The following CTNND2 variants were observed in gnomAD, a reference collection of about 807,000 sequenced individuals.
CTNND2 encodes catenin delta-2.
In CTNND2, 22 loss-of-function variants were observed where a neutral mutation model predicts 144.4. That is an observed-to-expected ratio of 0.15 (90% confidence interval 0.11 to 0.22). The LOEUF is 0.22. Ranked by LOEUF, CTNND2 falls within the 10% of genes least tolerant of loss-of-function variation. The pLI is 1.00. For synonymous variants in CTNND2, 751 were observed against 695.6 expected (o/e 1.08, Z -1.25); for missense variants, 1,353 against 1,618.8 (o/e 0.84, Z 2.82).
chr5:11,600,921 G>A (rs577922317), intron 2 of CTNND2, among the ~76,000 whole-genome samples: 22 of 152,184 alleles, frequency 1.4e-4, no homozygotes, highest in African/African-American at 5.3e-4. Flanking sequence ...TTGCCTCCCA[G>A]TGAGAAGGCA....
chr5:11,787,429 A>C (rs1355188063), intron 1 of CTNND2, among the ~76,000 whole-genome samples: 1 of 152,230 alleles, frequency 6.6e-6, no homozygotes, highest in African/African-American at 2.4e-5. Flanking sequence ...TTTCTAGAGA[A>C]TCATTTACAC....
At chr5:11,445,121 T>C (rs1764686475) in intron 3 of CTNND2, among the ~76,000 whole-genome samples, 1 of 152,294 alleles carries the variant, frequency 6.6e-6, no homozygotes, top group East Asian at 1.9e-4. Context: ...GGCAGGACCA[T>C]GCTCTTTCTG....
At chr5:11,332,690 G>C (rs1753297362) in intron 9 of CTNND2, among the ~76,000 whole-genome samples, 1 of 152,100 alleles carries the variant, frequency 6.6e-6, no homozygotes, top group South Asian at 2.1e-4. Flanking sequence ...TGGTCTCTTA[G>C]ATTTGACTAT....
At chr5:11,311,996 ACCCCACACACACACTCACCATACACCTT>A (rs1750969398) in intron 9 of CTNND2, among the ~76,000 whole-genome samples, 4 of 118,590 alleles carry the variant, frequency 3.4e-5, no homozygotes, top group South Asian at 5.8e-4. Flanking sequence ...CCATATATGC[ACCCCACACACACACTCACCATACACCTT>A]CACCCCACAC....
intron 16 of CTNND2, among the ~76,000 whole-genome samples, chr5:11,043,472 T>TA (rs368887605): frequency 1.6e-3 from 243 of 152,068 alleles, no homozygotes; most frequent in African/African-American, 4.2e-3. Context: ...TGCGCTATAC[T>TA]AAAAAAAATC....
intron 3 of CTNND2, chr5:11,508,533 T>C (rs1771299077): frequency 6.6e-6 from 1 of 152,174 alleles, no homozygotes; most frequent in South Asian, 2.1e-4. Flanking sequence ...TAATCTCTTT[T>C]ATGTTGCACT....
chr5:11,025,370 G>T (rs552421839), intron 16 of CTNND2, among the ~76,000 whole-genome samples: 7 of 152,250 alleles, frequency 4.6e-5, no homozygotes, highest in Admixed American at 2.0e-4. Context: ...AGCAAAAAAA[G>T]ATTTTTAGCT....
chr5:11,787,336 C>T (rs1026751479), intron 1 of CTNND2, among the ~76,000 whole-genome samples: 7 of 152,058 alleles, frequency 4.6e-5, no homozygotes, highest in African/African-American at 1.4e-4. Context: ...GATTTGAAAG[C>T]GAACATAAAT....
chr5:11,784,576 G>T (rs774553818), intron 1 of CTNND2, among the ~76,000 whole-genome samples: 8 of 152,192 alleles, frequency 5.3e-5, no homozygotes, highest in Non-Finnish European at 1.2e-4. Context: ...TTTCCAGATA[G>T]AATTAAGGTT....
At chr5:11,880,844 C>T (rs1172517795) in intron 1 of CTNND2, among the ~76,000 whole-genome samples, 2 of 129,148 alleles carry the variant, frequency 1.5e-5, no homozygotes, top group Non-Finnish European at 3.3e-5. Context: ...ACCACTACTA[C>T]TACCACCACT....
chr5:11,069,245 T>G (rs1747966076), intron 16 of CTNND2, among the ~76,000 whole-genome samples: 1 of 152,224 alleles, frequency 6.6e-6, no homozygotes, highest in Non-Finnish European at 1.5e-5. Flanking sequence ...CAGCATTCCT[T>G]AAATTCCTTA....
At position 11,057,010 on chromosome 5, in the gene CTNND2, T is replaced by A. The variant is rs113192439; in HGVS notation, c.2788+25686A>T. Among the ~76,000 whole-genome samples, 189 of 152,340 alleles carry A rather than the reference T, an allele frequency of 1.2e-3. 3 individuals carry two copies. The highest frequency in any genetic ancestry group is 3.4e-3 in the African/African-American group (142 of 41,590). On this transcript the variant is annotated intron_variant, in intron 16 of 21. Coordinates refer to ENST00000304623, the MANE Select transcript of CTNND2 (RefSeq NM_001332.4). ...CATTTGTGTGTGGAATCCAGTCTTG[T>A]GCTGCATTGGTGTGACATCCATCTA...
intron 21 of CTNND2, among the ~76,000 whole-genome samples, chr5:10,976,802 T>C (rs1212375945): frequency 1.3e-5 from 2 of 152,236 alleles, no homozygotes; most frequent in Non-Finnish European, 2.9e-5. Context: ...AGGGAAATAG[T>C]AGCCCAGTAT....
In CTNND2 at chr5:11,855,620, T is replaced by C. The variant is rs16901943; in HGVS notation, c.37+48197A>G. 6.7e-3 allele frequency among the ~76,000 whole-genome samples: 1,016 copies of C among 152,240 alleles called. 24 individuals are homozygous for C. The East Asian group carries it at 0.08, about 12-fold the overall frequency. ...ACAACTAAAAGCCACTTTTAACTCA[T>C]CTTGAGATTATTCAGAGATTAAGTG... is the stretch of plus-strand genomic sequence containing the variant. On this transcript the variant is annotated intron_variant, in intron 1 of 21. Transcript: ENST00000304623.
At chr5:11,084,746 C>G (rs1343246890) in intron 15 of CTNND2, among the ~76,000 whole-genome samples, 1 of 152,064 alleles carries the variant, frequency 6.6e-6, no homozygotes, top group African/African-American at 2.4e-5. Context: ...TATTTGAGAT[C>G]TCTTCTAATT....
intron 2 of CTNND2, among the ~76,000 whole-genome samples, chr5:11,572,099 A>G (rs1777608428): frequency 6.6e-6 from 1 of 152,204 alleles, no homozygotes; most frequent in South Asian, 2.1e-4. Flanking sequence ...CAGTCAGATC[A>G]TCTTTTAAAA....
chr5:11,070,926 T>C (rs955937514), intron 16 of CTNND2, among the ~76,000 whole-genome samples: 1 of 150,504 alleles, frequency 6.6e-6, no homozygotes, highest in African/African-American at 2.5e-5. Flanking sequence ...GTCTTAGATA[T>C]AGTGTGTATA....
chr5:11,120,140 A>G (rs1472777312), intron 12 of CTNND2, among the ~76,000 whole-genome samples: 5 of 152,250 alleles, frequency 3.3e-5, no homozygotes, highest in Non-Finnish European at 7.3e-5. Context: ...TGTGTAAGAT[A>G]TTGAAAAATG....
At chr5:11,231,932 C>T (rs763194377) in intron 10 of CTNND2, among the ~76,000 whole-genome samples, 18 of 152,234 alleles carry the variant, frequency 1.2e-4, no homozygotes, top group South Asian at 6.2e-4. Flanking sequence ...TGGTGCCCTG[C>T]GTCCCAGATG....
Sources: gnomAD v4.1 joint callset for allele counts (sites outside exome capture counted in the v4.1 genomes callset) on GRCh38, gnomAD v4.1.1 for gene constraint, MANE v1.5 for transcripts, NCBI Gene and HGNC (gene_info 2026-07-23, HGNC 2026-07-21) for gene names.